Variants in VRK1 observed in about 807,000 individuals in gnomAD.
VRK1 encodes VRK serine/threonine kinase 1.
A neutral mutation model predicts 57.1 loss-of-function variants in VRK1; 33 were observed. That is an observed-to-expected ratio of 0.58 (90% CI 0.44 to 0.77). VRK1 has a LOEUF of 0.77. Among genes scored for constraint, VRK1 ranks in the 30% least tolerant of loss-of-function variants. The pLI is 0.00. For synonymous variants in VRK1, 137 were observed against 147.8 expected (o/e 0.93, Z 0.53); for missense variants, 413 against 477.3 (o/e 0.87, Z 1.25).
chr14:96,847,681 G>T (rs1346620734), intron 5 of VRK1, among the ~76,000 whole-genome samples: 1 of 152,000 alleles, frequency 6.6e-6, no homozygotes, highest in African/African-American at 2.4e-5. Context: ...AAACAAAAAC[G>T]CCTCTGTTCT....
intron 11 of VRK1, among the ~76,000 whole-genome samples, chr14:96,864,996 G>A (rs116383486): frequency 6.6e-6 from 1 of 150,924 alleles, no homozygotes; most frequent in African/African-American, 2.4e-5. Flanking sequence ...AACAATGTAT[G>A]TGTTGCACAT....
intron 1 of VRK1, among the ~76,000 whole-genome samples, chr14:96,811,651 C>T (rs1160949353): frequency 2.6e-5 from 4 of 152,162 alleles, no homozygotes; most frequent in Non-Finnish European, 5.9e-5. Flanking sequence ...TCTTAGTGGC[C>T]TGCTTTGAGG....
At chr14:96,852,596 T>C (rs562282170) in intron 5 of VRK1, among the ~76,000 whole-genome samples, 1 of 152,302 alleles carries the variant, frequency 6.6e-6, no homozygotes, top group African/African-American at 2.4e-5. Flanking sequence ...GAATAGTCTC[T>C]TGAAACTAGC....
intron 12 of VRK1, among the ~76,000 whole-genome samples, chr14:96,878,645 C>G (rs1889133021): frequency 6.6e-6 from 1 of 152,096 alleles, no homozygotes; most frequent in Non-Finnish European, 1.5e-5. Context: ...AGAACACATT[C>G]TGAAAGCTTT....
intron 1 of VRK1, among the ~76,000 whole-genome samples, chr14:96,821,614 T>C (rs1454810563): frequency 3.9e-5 from 6 of 152,216 alleles, no homozygotes; most frequent in African/African-American, 7.2e-5. Context: ...GGTAGCTGTT[T>C]CTGCCTTGCC....
At chr14:96,838,851 T>G (rs1887332061) in intron 3 of VRK1, among the ~76,000 whole-genome samples, 1 of 152,212 alleles carries the variant, frequency 6.6e-6, no homozygotes, top group African/African-American at 2.4e-5. Context: ...TCAGCTTTTT[T>G]GGACCTTTTT....
At chr14:96,860,083 TTTCTTTC>T (rs1183393817) in intron 10 of VRK1, among the ~76,000 whole-genome samples, 3 of 152,142 alleles carry the variant, frequency 2.0e-5, no homozygotes, top group African/African-American at 7.2e-5. Flanking sequence ...CCAGATCTTA[TTTCTTTC>T]TTCTTTCTTT....
chr14:96,850,034 C>A (rs1887886899), intron 5 of VRK1, among the ~76,000 whole-genome samples: 1 of 152,102 alleles, frequency 6.6e-6, no homozygotes, highest in Non-Finnish European at 1.5e-5. Context: ...CAGTCTAAGT[C>A]TTAACTCACC....
intron 3 of VRK1, among the ~76,000 whole-genome samples, chr14:96,845,371 C>G (rs1182416479): frequency 2.0e-5 from 3 of 152,110 alleles, no homozygotes; most frequent in Non-Finnish European, 4.4e-5. Flanking sequence ...TGCTGACAGG[C>G]TGTTATTTCT....
At chr14:96,820,356 G>A (rs1394317343) in intron 1 of VRK1, among the ~76,000 whole-genome samples, 1 of 152,018 alleles carries the variant, frequency 6.6e-6, no homozygotes, top group African/African-American at 2.4e-5. Flanking sequence ...CAACTTCTCT[G>A]TAGTTGTAAG....
At chr14:96,859,738 C>T (rs1477742131) in intron 10 of VRK1, among the ~76,000 whole-genome samples, 1 of 152,088 alleles carries the variant, frequency 6.6e-6, no homozygotes, top group African/African-American at 2.4e-5. Flanking sequence ...GTGACTAACT[C>T]AGATTTTGGC....
At chr14:96,865,434 T>C (rs1181005468) in intron 11 of VRK1, among the ~76,000 whole-genome samples, 1 of 152,216 alleles carries the variant, frequency 6.6e-6, no homozygotes, top group Non-Finnish European at 1.5e-5. Flanking sequence ...AACTATTGTC[T>C]TCATAATGAT....
intron 1 of VRK1, among the ~76,000 whole-genome samples, chr14:96,804,495 A>G (rs993942792): frequency 6.6e-6 from 1 of 152,220 alleles, no homozygotes; most frequent in Non-Finnish European, 1.5e-5. Context: ...ATAAGTAAGA[A>G]CTGGCTATTT....
chr14:96,833,542 C>A lies in VRK1; in HGVS notation c.71C>A (p.Ala24Glu). The change falls in exon 2 of 13, where the codon GCA (alanine) becomes GAA (glutamate). Residue 24 changes from alanine (A) to glutamate (E), a missense_variant. Physicochemically the swap from Ala to Glu is moderately radical, Grantham distance 107. Transcript: ENST00000216639. The part of the protein sequence containing the change: ...SAKRHLAEQF[A>E]VGEIITDMAK... ...AAGAGACATCTTGCAGAACAATTTG[C>A]AGTTGGAGAGATAATAACTGACATG... 2 of 1,613,746 alleles carry A rather than the reference C, an allele frequency of 1.2e-6. No individual in the cohort carries two copies. The highest frequency in any genetic ancestry group is 1.7e-6 in the Non-Finnish European group (2 of 1,179,788).
At chr14:96,797,585 G>C (rs957548837) in intron 1 of VRK1, 138 bp downstream of exon 1, 1 of 151,824 alleles carries the variant, frequency 6.6e-6, no homozygotes, top group African/African-American at 2.4e-5. Context: ...GTCGCCGTCA[G>C]CCTCGGTCGC....
In VRK1 at chr14:96,876,948, T is replaced by A. The variant is rs533710982; in HGVS notation, c.1159+828T>A. ...TTGGACTTTGGTCTGATATGTTTAA[T>A]AAACTGCCAGCCAATGTGTTCCAGG... On this transcript the variant is annotated intron_variant, in intron 12 of 12. Coordinates refer to ENST00000216639, the MANE Select transcript of VRK1 (RefSeq NM_003384.3). Among the ~76,000 whole-genome samples, 3 of 152,270 alleles carry A rather than the reference T, an allele frequency of 2.0e-5. No individual in the cohort carries two copies. The South Asian group carries it at 6.2e-4, about 32-fold the overall frequency.
chr14:96,834,700 G>A (rs1443081337), intron 2 of VRK1, among the ~76,000 whole-genome samples: 6 of 152,160 alleles, frequency 3.9e-5, no homozygotes, highest in Non-Finnish European at 5.9e-5. Context: ...TTGGCCAGTG[G>A]CACCCTTTTT....
rs74786634 is a variant in VRK1, at chr14:96,809,534, A to G, written c.-6+12087A>G. 5.1e-3 allele frequency among the ~76,000 whole-genome samples: 753 copies of G among 148,384 alleles called. 4 individuals are homozygous for G. Among genetic ancestry groups the G allele is most frequent in the Non-Finnish European group, 8.0e-3 (540 of 67,450 alleles). On this transcript the variant is annotated intron_variant, in intron 1 of 12. Coordinates refer to ENST00000216639, the MANE Select transcript of VRK1 (RefSeq NM_003384.3). ...TGTAGGAGTAGAATTCCTGGTCAAAATGTATATGCATCTAGCTTGCTTGCT... is the reference window on the plus strand; with the variant it reads ...TGTAGGAGTAGAATTCCTGGTCAAAGTGTATATGCATCTAGCTTGCTTGCT...
chr14:96,870,068 G>A (rs1258138703), intron 11 of VRK1, among the ~76,000 whole-genome samples: 2 of 152,152 alleles, frequency 1.3e-5, no homozygotes, highest in African/African-American at 2.4e-5. Flanking sequence ...AGACTTGATT[G>A]TGCTCAGTAC....
Sources: allele counts gnomAD v4.1 joint callset (sites outside exome capture counted in the v4.1 genomes callset), GRCh38; gene constraint gnomAD v4.1.1; transcripts MANE v1.5; gene names NCBI Gene and HGNC (gene_info 2026-07-23, HGNC 2026-07-21).